Variants in PCSK5 observed in about 807,000 individuals in gnomAD.
The protein encoded by PCSK5 is proprotein convertase subtilisin/kexin type 5, also known as prohormone convertase 5.
A neutral mutation model predicts 233.2 loss-of-function variants in PCSK5; 129 were observed. That is an observed-to-expected ratio of 0.55 (90% CI 0.48 to 0.64). The LOEUF (loss-of-function observed/expected upper bound fraction) is 0.64, where lower values mean the gene tolerates loss of function less well. PCSK5 is among the 30% of genes least tolerant of loss of function. The pLI is 0.00. For synonymous variants in PCSK5, 825 were observed against 879.2 expected, an observed-to-expected ratio of 0.94 and a Z score of 1.09; for missense variants, 2,076 against 2,430.1, an observed-to-expected ratio of 0.85 and a Z score of 3.06.
In PCSK5 at chr9:76,285,713, C is replaced by T. The variant is rs17062343; in HGVS notation, c.3143-6520C>T. Among the ~76,000 whole-genome samples, 77 of 152,090 alleles carry T rather than the reference C, an allele frequency of 5.1e-4. No individual in the cohort carries two copies. In the Middle Eastern group the frequency reaches 0.01, roughly 20 times the overall value. On this transcript the variant is annotated intron_variant, in intron 24 of 37. Coordinates refer to ENST00000674117, the MANE Select transcript of PCSK5 (RefSeq NM_001372043.1). The stretch of plus-strand genomic sequence containing the variant: ...CATAGTGTCTACTTCATGGCCAATT[C>T]TGGCAGATATAGACATTCTATGATA...
In PCSK5 at chr9:75,925,729, C is replaced by T. The variant is rs76854811; in HGVS notation, c.193-6650C>T. On this transcript the variant is annotated intron_variant, in intron 1 of 37. Coordinates refer to ENST00000674117, the MANE Select transcript of PCSK5 (RefSeq NM_001372043.1). ...TGCAAGGGCCCCAAGATTGGGAATG[C>T]TCTTGGTGAGTAAGGAAAGCAATCG... Among the ~76,000 whole-genome samples the T allele has an allele frequency of 8.1e-3, 1,231 of 152,258 alleles. 16 individuals are homozygous for T. The highest frequency in any genetic ancestry group is 0.028 in the African/African-American group (1,165 of 41,540).
intron 10 of PCSK5, among the ~76,000 whole-genome samples, chr9:76,136,703 T>A (rs1822995557): frequency 6.6e-6 from 1 of 152,046 alleles, no homozygotes; most frequent in African/African-American, 2.4e-5. Context: ...TTGAGTAATT[T>A]ATTAATAACT....
chr9:75,998,987 T>C (rs1378299420), intron 3 of PCSK5, among the ~76,000 whole-genome samples: 1 of 152,230 alleles, frequency 6.6e-6, no homozygotes, highest in Non-Finnish European at 1.5e-5. Context: ...ATTTTTTCTT[T>C]GTCATTTGTT....
At chr9:76,276,943 C>G (rs1300184028) in intron 24 of PCSK5, among the ~76,000 whole-genome samples, 2 of 152,054 alleles carry the variant, frequency 1.3e-5, no homozygotes, top group East Asian at 3.9e-4. Context: ...TAATAATTAT[C>G]TAGGCTGGGT....
intron 3 of PCSK5, among the ~76,000 whole-genome samples, chr9:75,990,718 C>A (rs953468168): frequency 6.6e-6 from 1 of 152,224 alleles, no homozygotes; most frequent in Non-Finnish European, 1.5e-5. Context: ...CTAAAAGTTT[C>A]TCTGGGATCA....
intron 10 of PCSK5, among the ~76,000 whole-genome samples, chr9:76,153,157 T>C (rs1193208355): frequency 1.3e-5 from 2 of 152,180 alleles, no homozygotes; most frequent in Non-Finnish European, 2.9e-5. Context: ...GGAACAGATA[T>C]AACAGTAGGC....
chr9:76,228,955 T>C (rs2131312102), intron 21 of PCSK5, among the ~76,000 whole-genome samples: 1 of 152,156 alleles, frequency 6.6e-6, no homozygotes, highest in African/African-American at 2.4e-5. Flanking sequence ...AAGTGTGGAA[T>C]CAATATCATA....
intron 35 of PCSK5, among the ~76,000 whole-genome samples, chr9:76,349,830 C>T (rs368423063): frequency 4.6e-4 from 70 of 152,298 alleles, no homozygotes; most frequent in Non-Finnish European, 8.8e-4. Context: ...AGAAGTTATT[C>T]CTTGATACCT....
chr9:75,931,835 T>C (rs1272589291), intron 1 of PCSK5, among the ~76,000 whole-genome samples: 1 of 152,236 alleles, frequency 6.6e-6, no homozygotes, highest in Non-Finnish European at 1.5e-5. Flanking sequence ...CTTTTAGTTT[T>C]GCAATAAATG....
chr9:76,026,355 G>A (rs769859116), intron 4 of PCSK5, among the ~76,000 whole-genome samples: 7 of 152,130 alleles, frequency 4.6e-5, no homozygotes, highest in Non-Finnish European at 7.4e-5. Flanking sequence ...TTAGTAGAAT[G>A]TCTAAATTAT....
At chr9:76,184,275 T>C (rs563409773) in intron 16 of PCSK5, among the ~76,000 whole-genome samples, 1 of 152,284 alleles carries the variant, frequency 6.6e-6, no homozygotes, top group African/African-American at 2.4e-5. Context: ...TTCCTTCGTC[T>C]CAGGCATTGC....
chr9:76,172,210 A>AT (rs1457835959), intron 13 of PCSK5, among the ~76,000 whole-genome samples: 1 of 152,074 alleles, frequency 6.6e-6, no homozygotes, highest in Non-Finnish European at 1.5e-5. Context: ...TGTTGTTTTG[A>AT]TTTTTGGCAC....
chr9:76,007,796 T>G (rs951138762), intron 3 of PCSK5, among the ~76,000 whole-genome samples: 15 of 128,310 alleles, frequency 1.2e-4, no homozygotes, highest in East Asian at 7.1e-4. Flanking sequence ...CCGGCTAATT[T>G]TGTGTGTGTG....
At chr9:76,000,930 A>T (rs6560485) in intron 3 of PCSK5, among the ~76,000 whole-genome samples, 4,005 of 150,154 alleles carry the variant, frequency 0.027, 186 homozygotes, top group African/African-American at 0.092. Flanking sequence ...TTTTTTTTTT[A>T]AACTCATATT....
chr9:76,194,467 A>G (rs1346868995), intron 20 of PCSK5: 1 of 153,200 alleles, frequency 6.5e-6, no homozygotes, highest in East Asian at 1.9e-4. Flanking sequence ...TTAAGAAAAT[A>G]AAACTGGAAA....
chr9:76,315,957 T>C (rs999974563), intron 30 of PCSK5, among the ~76,000 whole-genome samples: 1 of 151,400 alleles, frequency 6.6e-6, no homozygotes, highest in African/African-American at 2.4e-5. Flanking sequence ...TTTTTGCTTT[T>C]TGCTTGAATC....
intron 10 of PCSK5, among the ~76,000 whole-genome samples, chr9:76,149,745 T>C (rs1823586935): frequency 1.3e-5 from 2 of 152,232 alleles, no homozygotes; most frequent in African/African-American, 4.8e-5. Flanking sequence ...GTGGGTTACA[T>C]GGCTGGGTCT....
chr9:76,068,422 C>A (rs892061877), intron 6 of PCSK5, among the ~76,000 whole-genome samples: 11 of 152,040 alleles, frequency 7.2e-5, no homozygotes, highest in Admixed American at 7.2e-4. Flanking sequence ...TTTTGTAATT[C>A]TCTCAAAGTG....
intron 11 of PCSK5, 41 bp from the exon 12 acceptor site, chr9:76,158,942 T>C (rs1373480454): frequency 6.5e-7 from 1 of 1,545,780 alleles, no homozygotes; most frequent in Non-Finnish European, 8.9e-7. Context: ...CTGAGCTCTG[T>C]GATGTCATTT....
Sources: allele counts gnomAD v4.1 joint callset (sites outside exome capture counted in the v4.1 genomes callset), GRCh38; gene constraint gnomAD v4.1.1; transcripts MANE v1.5; gene names NCBI Gene and HGNC (gene_info 2026-07-23, HGNC 2026-07-21).